ANKHD1: variants seen among roughly 807,000 people sequenced by gnomAD.
The protein encoded by ANKHD1 is ankyrin repeat and KH domain-containing protein 1.
In ANKHD1, 31 loss-of-function variants were observed where a neutral mutation model predicts 230.5. The observed-to-expected ratio is 0.13, with a 90% confidence interval of 0.10 to 0.18. The LOEUF (loss-of-function observed/expected upper bound fraction) is 0.18. Ranked by LOEUF, ANKHD1 falls within the 10% of genes least tolerant of loss-of-function variation. The probability of loss-of-function intolerance (pLI) is 1.00; values close to 1 mark genes in which losing one functional copy is unlikely to be tolerated. For synonymous variants in ANKHD1, 1,074 were observed against 1,117.6 expected (o/e 0.96, Z 0.78); for missense variants, 2,256 against 3,071.3 (o/e 0.73, Z 6.27).
chr5:140,485,079 A>G lies in ANKHD1; in HGVS notation c.1871-42A>G. 3 of 1,578,922 alleles carry G rather than the reference A, an allele frequency of 1.9e-6. No homozygotes were observed. The South Asian group carries it at 3.4e-5, about 18-fold the overall frequency. On this transcript the variant is annotated intron_variant, in intron 11 of 33. Transcript: ENST00000360839. This position sits in a 1 kb window ranked among gnomAD's most constrained non-coding sequence, Gnocchi z 4.8. Reference sequence around the variant, plus strand: ...ATGATATTGACTATGAACTAGCTTGATGTCAACCTTTGCTAAGATTGCGAT... The same window carrying G: ...ATGATATTGACTATGAACTAGCTTGGTGTCAACCTTTGCTAAGATTGCGAT...
At chr5:140,498,414 A>G (rs994632576) in intron 15 of ANKHD1, among the ~76,000 whole-genome samples, 4 of 152,176 alleles carry the variant, frequency 2.6e-5, no homozygotes, top group African/African-American at 4.8e-5. Context: ...TTGACTTCCA[A>G]TGGTTATAGA....
At chr5:140,408,789 A>G (rs1458644688) in intron 1 of ANKHD1, among the ~76,000 whole-genome samples, 1 of 151,906 alleles carries the variant, frequency 6.6e-6, no homozygotes, top group African/African-American at 2.4e-5. Context: ...CATGGTCATA[A>G]CTCTATGTGG....
At position 140,496,687 on chromosome 5, in the gene ANKHD1, G is replaced by A. The variant is rs1752057522; in HGVS notation, c.2413G>A (p.Glu805Lys). The change falls in exon 15 of 34, where the codon GAG (glutamate) becomes AAG (lysine). Residue 805 changes from glutamate to lysine, a missense_variant. By Grantham distance (56) the Glu-to-Lys change is moderately conservative. Around this residue, in one of 13 missense-constraint regions of ANKHD1, gnomAD observed 358 missense variants for 397.7 expected, o/e 0.90. Transcript: ENST00000360839. ...TGAAAAAGCACAGCTTAAGTCACTG[G>A]AGTTAATTCAAGGTGAACCTCTGAA... Reference protein sequence around the residue: ...AIEKAQLKSLELIQGEPLNKD... With the variant: ...AIEKAQLKSLKLIQGEPLNKD... The A allele has an allele frequency of 6.2e-7, 1 of 1,613,922 alleles. No individual in the cohort carries two copies. The highest frequency in any genetic ancestry group is 2.2e-5 in the East Asian group (1 of 44,874).
chr5:140,446,001 A>G, intron 6 of ANKHD1, 26 bp downstream of exon 6: 8 of 1,537,430 alleles, frequency 5.2e-6, no homozygotes, highest in African/African-American at 1.4e-5. Flanking sequence ...ATGAATATTT[A>G]TAATGTTTTT....
At chr5:140,510,770 A>C (rs1004766367) in intron 22 of ANKHD1, among the ~76,000 whole-genome samples, 3 of 152,090 alleles carry the variant, frequency 2.0e-5, no homozygotes, top group Non-Finnish European at 2.9e-5. Flanking sequence ...CCTAAAGAGG[A>C]ACAAAAAGGA....
chr5:140,506,699 T>G lies in ANKHD1; in HGVS notation c.3409-136T>G. The G allele has an allele frequency of 7.6e-7, 1 of 1,311,760 alleles. No homozygotes were observed. Among genetic ancestry groups the G allele is most frequent in the Non-Finnish European group, 1.0e-6 (1 of 965,954 alleles). 81.3% of individuals were successfully genotyped at this position (1,311,760 alleles called of 1,614,324 possible). ...TCTCTAGTGTTGATATTTCAATATT[T>G]AGGGTCTAATGAAATGTAATTAAAA... On this transcript the variant is annotated intron_variant, in intron 18 of 33. Coordinates refer to ENST00000360839, the MANE Select transcript of ANKHD1 (RefSeq NM_017747.3). This position sits in a 1 kb window ranked among gnomAD's most constrained non-coding sequence, Gnocchi z 4.7.
At position 140,402,139 on chromosome 5, in the gene ANKHD1, A is replaced by AGCAGCGGCGGCGGCG; in HGVS notation, c.181_195dup (p.Gly61_Gly65dup). ...GGCCGGGCCAGCGTCGGGAGTCGGCAGCAGCGGCGGCGGCGGCAGCGGCAG... is the reference window on the plus strand; with the variant it reads ...GGCCGGGCCAGCGTCGGGAGTCGGCAGCAGCGGCGGCGGCGGCAGCGGCGGCGGCGGCAGCGGCAG... On this transcript the variant is annotated inframe_insertion, in exon 1 of 34. Coordinates refer to ENST00000360839, the MANE Select transcript of ANKHD1 (RefSeq NM_017747.3). 1 of 1,546,942 alleles carries AGCAGCGGCGGCGGCG rather than the reference A, an allele frequency of 6.5e-7. No homozygotes were observed. Among genetic ancestry groups the AGCAGCGGCGGCGGCG allele is most frequent in the Non-Finnish European group, 8.7e-7 (1 of 1,150,848 alleles).
At chr5:140,535,710 T>G in intron 30 of ANKHD1, 172 bp downstream of exon 30, 3 of 1,003,468 alleles carry the variant, frequency 3.0e-6, no homozygotes, top group Non-Finnish European at 3.9e-6. Flanking sequence ...ATAGAAAACT[T>G]GAGAATTATT....
At chr5:140,412,396 G>A (rs558229364) in intron 1 of ANKHD1, among the ~76,000 whole-genome samples, 12 of 152,248 alleles carry the variant, frequency 7.9e-5, no homozygotes, top group African/African-American at 2.9e-4. Context: ...GAGCTCAAGG[G>A]ATCCTCCTGC....
At position 140,496,602 on chromosome 5, in the gene ANKHD1, G is replaced by A. The variant is rs376323813; in HGVS notation, c.2328G>A (p.Glu776=). ...CTTTTCACCCATACCAGCCTTTGGAGTGCATAGTAGAGGAGACTGAAGGCA... is the reference window on the plus strand; with the variant it reads ...CTTTTCACCCATACCAGCCTTTGGAATGCATAGTAGAGGAGACTGAAGGCA... ...LPSFHPYQPL[E]CIVEETEGKL... The change falls in exon 15 of 34, where the codon GAG becomes GAA. Residue 776 remains glutamate, a synonymous_variant. Transcript: ENST00000360839. 3.7e-6 allele frequency: 6 copies of A among 1,613,300 alleles called. No individual in the cohort carries two copies. Among genetic ancestry groups the A allele is most frequent in the Non-Finnish European group, 5.1e-6 (6 of 1,179,936 alleles).
At chr5:140,407,039 G>A (rs1324122994) in intron 1 of ANKHD1, among the ~76,000 whole-genome samples, 1 of 151,384 alleles carries the variant, frequency 6.6e-6, no homozygotes, top group African/African-American at 2.4e-5. Context: ...GCTAACGCCT[G>A]TAATCCCAGC....
intron 20 of ANKHD1, among the ~76,000 whole-genome samples, chr5:140,509,231 G>A (rs1752662063): frequency 6.6e-6 from 1 of 152,110 alleles, no homozygotes; most frequent in Non-Finnish European, 1.5e-5. Context: ...AGTACCAGTA[G>A]GAAATGTCCT....
At position 140,507,903 on chromosome 5, in the gene ANKHD1, C is replaced by T; in HGVS notation, c.3670C>T (p.Arg1224Trp). The change falls in exon 20 of 34, where the codon CGG becomes TGG. Residue 1224 changes from arginine to tryptophan, a missense_variant. Coordinates refer to ENST00000360839, the MANE Select transcript of ANKHD1 (RefSeq NM_017747.3). This position sits in a 1 kb window ranked among gnomAD's most constrained non-coding sequence, Gnocchi z 4.1. ...CATTAATGCCCAAATAGAGACCAAT[C>T]GGAACACGGCTCTCACCCTGGCCTG... ...SDINAQIETNRNTALTLACFQ... is the reference protein window; with the variant it reads ...SDINAQIETNWNTALTLACFQ... 1.2e-6 allele frequency: 2 copies of T among 1,614,016 alleles called. No individual in the cohort carries two copies. Among genetic ancestry groups the T allele is most frequent in the South Asian group, 1.1e-5 (1 of 91,072 alleles).
rs1198425439 is a variant in ANKHD1 at position 140,452,995 on chromosome 5, AGAATAACCAGT to A, written c.1242+3692_1242+3702del. Among the ~76,000 whole-genome samples, 3 of 152,362 alleles carry A rather than the reference AGAATAACCAGT, an allele frequency of 2.0e-5. No individual in the cohort carries two copies. The East Asian group carries it at 5.8e-4, about 29-fold the overall frequency. On this transcript the variant is annotated intron_variant, in intron 7 of 33. Coordinates refer to ENST00000360839, the MANE Select transcript of ANKHD1 (RefSeq NM_017747.3). The stretch of plus-strand genomic sequence containing the variant: ...AAAAAGATTAGACAAATGGCTAACT[AGAATAACCAGT>A]GTAGAGAAGTCCTTAAATGACCTGA...
chr5:140,514,330 AC>A (rs1752890608), intron 24 of ANKHD1, among the ~76,000 whole-genome samples: 1 of 151,818 alleles, frequency 6.6e-6, no homozygotes. Flanking sequence ...CCCCATCTCT[AC>A]AAAAAACAAA....
At chr5:140,460,245 A>G (rs1248496816) in intron 9 of ANKHD1, among the ~76,000 whole-genome samples, 1 of 152,092 alleles carries the variant, frequency 6.6e-6, no homozygotes, top group Admixed American at 6.6e-5. Flanking sequence ...TTTTACATAG[A>G]ATATTTGTAG....
Position 140,537,422 on chromosome 5 carries a change from A to T in ANKHD1, c.7061A>T (p.Lys2354Ile). 1 of 1,614,112 alleles carries T rather than the reference A, an allele frequency of 6.2e-7. No homozygotes were observed. The highest frequency in any genetic ancestry group is 8.5e-7 in the Non-Finnish European group (1 of 1,180,014). ...TSAPPTLGQP[K>I]GVSASQDRKI... is the part of the protein sequence containing the mutation. ...GCCCCACCAACGTTGGGCCAACCAAAAGGAGTCAGTGCCAGTCAAGATCGA... is the reference window on the plus strand; with the variant it reads ...GCCCCACCAACGTTGGGCCAACCAATAGGAGTCAGTGCCAGTCAAGATCGA... Residue 2354 changes from lysine to isoleucine, a missense_variant, in exon 31 of 34, where the codon AAA (lysine) becomes ATA (isoleucine). Coordinates refer to ENST00000360839, the MANE Select transcript of ANKHD1 (RefSeq NM_017747.3).
chr5:140,487,485 T>G (rs547703118), intron 14 of ANKHD1, among the ~76,000 whole-genome samples: 1 of 152,352 alleles, frequency 6.6e-6, no homozygotes, highest in African/African-American at 2.4e-5. Flanking sequence ...AGAATTACAT[T>G]CAGTTGCATT....
chr5:140,443,507 G>A (rs1031891581), intron 5 of ANKHD1, among the ~76,000 whole-genome samples: 7 of 151,678 alleles, frequency 4.6e-5, no homozygotes, highest in African/African-American at 1.7e-4. Flanking sequence ...TGGCTAACAC[G>A]GTGAAACCCC....
Sources: gnomAD v4.1 joint callset for allele counts (sites outside exome capture counted in the v4.1 genomes callset) on GRCh38, gnomAD v4.1.1 for gene constraint, gnomAD v4.1.1 regional missense constraint, Gnocchi (gnomAD v3.1) non-coding constraint, MANE v1.5 for transcripts, NCBI Gene and HGNC (gene_info 2026-07-23, HGNC 2026-07-21) for gene names.